TBC1D19: variants seen among roughly 807,000 people sequenced by gnomAD.
The protein encoded by TBC1D19 is TBC1 domain family, member 19.
Under a neutral mutation model 89.0 loss-of-function variants are expected in TBC1D19, and 60 were observed. That is an observed-to-expected ratio of 0.67 (90% CI 0.55 to 0.84). The LOEUF is 0.84. Ranked by LOEUF, TBC1D19 falls within the 40% of genes least tolerant of loss-of-function variation. The pLI, the probability that TBC1D19 is intolerant of heterozygous loss-of-function variation, is 0.00. For synonymous variants in TBC1D19, 189 were observed against 199.7 expected (o/e 0.95, Z 0.45); for missense variants, 500 against 610.8 (o/e 0.82, Z 1.91).
At chr4:26,612,156 C>A (rs931779716) in intron 1 of TBC1D19, among the ~76,000 whole-genome samples, 9 of 151,316 alleles carry the variant, frequency 5.9e-5, no homozygotes, top group Non-Finnish European at 1.3e-4. Flanking sequence ...GCTTGTATTT[C>A]TGGGGGACAG....
chr4:26,605,168 G>A (rs983696304), intron 1 of TBC1D19, among the ~76,000 whole-genome samples: 4 of 149,478 alleles, frequency 2.7e-5, no homozygotes, highest in Non-Finnish European at 4.4e-5. Flanking sequence ...TCGTCATTTA[G>A]CATTAGGTAT....
At chr4:26,682,821 C>T (rs1713472640) in intron 11 of TBC1D19, among the ~76,000 whole-genome samples, 1 of 152,172 alleles carries the variant, frequency 6.6e-6, no homozygotes, top group Admixed American at 6.6e-5. Context: ...TTCCTTTCCT[C>T]CCTTATTCTC....
At chr4:26,777,854 G>A in the TBC1D19 span, among the ~76,000 whole-genome samples, 1 of 151,698 alleles carries the variant, frequency 6.6e-6, no homozygotes, top group Non-Finnish European at 1.5e-5. Context: ...GCCAAGGTGT[G>A]AGGATTGTTG....
At chr4:26,701,636 A>G (rs562433579) in intron 13 of TBC1D19, among the ~76,000 whole-genome samples, 9 of 152,262 alleles carry the variant, frequency 5.9e-5, no homozygotes, top group African/African-American at 2.2e-4. Context: ...TTGATATTTT[A>G]CCATCATTTT....
intron 4 of TBC1D19, among the ~76,000 whole-genome samples, chr4:26,621,708 T>G (rs1341599412): frequency 6.6e-6 from 1 of 152,188 alleles, no homozygotes; most frequent in Non-Finnish European, 1.5e-5. Flanking sequence ...AGTATATATT[T>G]CTATCTCTAG....
intron 1 of TBC1D19, among the ~76,000 whole-genome samples, chr4:26,603,399 A>G (rs1317150189): frequency 6.6e-6 from 1 of 152,226 alleles, no homozygotes; most frequent in African/African-American, 2.4e-5. Flanking sequence ...TTTTTATGTT[A>G]TAAAGTATGG....
At chr4:26,640,261 C>A (rs1351186477) in intron 7 of TBC1D19, 74 bp downstream of exon 7, 4 of 1,241,820 alleles carry the variant, frequency 3.2e-6, no homozygotes, top group Admixed American at 1.8e-5. Context: ...AAAAATATAT[C>A]AAGGCAGAGG....
chr4:26,849,103 G>A, the TBC1D19 span, among the ~76,000 whole-genome samples: 1 of 152,100 alleles, frequency 6.6e-6, no homozygotes, highest in Non-Finnish European at 1.5e-5. Flanking sequence ...TTGAGCCCAG[G>A]AGGTTGAGGC....
chr4:26,813,512 G>C, the TBC1D19 span, among the ~76,000 whole-genome samples: 11 of 152,130 alleles, frequency 7.2e-5, no homozygotes, highest in Admixed American at 3.9e-4. Flanking sequence ...ATAAAGTGCT[G>C]TCTTAGACCC....
chr4:26,851,293 C>T, the TBC1D19 span, among the ~76,000 whole-genome samples: 1 of 151,416 alleles, frequency 6.6e-6, no homozygotes, highest in South Asian at 2.1e-4. Flanking sequence ...GCCAATTCCC[C>T]TAATAAATAC....
At chr4:26,646,101 C>T (rs1312846393) in intron 7 of TBC1D19, among the ~76,000 whole-genome samples, 3 of 126,956 alleles carry the variant, frequency 2.4e-5, no homozygotes, top group Non-Finnish European at 4.7e-5. Flanking sequence ...CCAGCCTGGG[C>T]GACAGAGCGA....
intron 13 of TBC1D19, among the ~76,000 whole-genome samples, chr4:26,691,967 T>C (rs534578881): frequency 5.9e-5 from 9 of 152,264 alleles, no homozygotes; most frequent in Admixed American, 5.9e-4. Flanking sequence ...TTTAAAAGTA[T>C]TTAAAGTCTC....
At chr4:26,829,471 C>T in the TBC1D19 span, among the ~76,000 whole-genome samples, 132 of 152,162 alleles carry the variant, frequency 8.7e-4, no homozygotes, top group African/African-American at 2.9e-3. Flanking sequence ...AAATCAACAC[C>T]CACTTCTTTA....
intron 4 of TBC1D19, among the ~76,000 whole-genome samples, chr4:26,627,565 T>C (rs1353073387): frequency 6.6e-6 from 1 of 152,198 alleles, no homozygotes; most frequent in East Asian, 1.9e-4. Context: ...TCTCCTGACT[T>C]TTTAATGATT....
At chr4:26,634,684 G>A (rs1743018739) in intron 4 of TBC1D19, among the ~76,000 whole-genome samples, 1 of 151,980 alleles carries the variant, frequency 6.6e-6, no homozygotes, top group Non-Finnish European at 1.5e-5. Context: ...TTTTATAATA[G>A]TTTTGTGTAT....
At chr4:26,753,002 T>C (rs1472282732) in intron 19 of TBC1D19, among the ~76,000 whole-genome samples, 1 of 152,172 alleles carries the variant, frequency 6.6e-6, no homozygotes, top group African/African-American at 2.4e-5. Flanking sequence ...GACCTTTAAG[T>C]TGTCCTGTAA....
intron 1 of TBC1D19, among the ~76,000 whole-genome samples, chr4:26,599,171 A>T (rs1740434794): frequency 6.6e-6 from 1 of 152,198 alleles, no homozygotes; most frequent in Non-Finnish European, 1.5e-5. Context: ...ATAATCTTGG[A>T]CTTGTAAGAG....
the TBC1D19 span, among the ~76,000 whole-genome samples, chr4:26,850,312 G>T: frequency 6.6e-6 from 1 of 152,016 alleles, no homozygotes; most frequent in East Asian, 1.9e-4. Context: ...ACTTTGGGAG[G>T]CTGAGGCAGG....
At chr4:26,759,085 C>T (rs1730999385), downstream of TBC1D19, among the ~76,000 whole-genome samples, 2 of 152,286 alleles carry the variant, frequency 1.3e-5, no homozygotes, top group South Asian at 4.1e-4. Flanking sequence ...AAACCCACCT[C>T]AGGTATTGCA....
Sources: gnomAD v4.1 joint callset for allele counts (sites outside exome capture counted in the v4.1 genomes callset) on GRCh38, gnomAD v4.1.1 for gene constraint, MANE v1.5 for transcripts, NCBI Gene and HGNC (gene_info 2026-07-23, HGNC 2026-07-21) for gene names.